Variants in UTRN observed in about 807,000 individuals in gnomAD.
The protein encoded by UTRN is utrophin.
Under a neutral mutation model 463.9 loss-of-function variants are expected in UTRN, and 283 were observed. The ratio of observed to expected loss-of-function variants is 0.61; its 90% CI spans 0.55 to 0.67. UTRN has a LOEUF of 0.67. Among genes scored for constraint, UTRN ranks in the 30% least tolerant of loss-of-function variants. UTRN has a pLI of 0.00. For synonymous variants in UTRN, 1,442 were observed against 1,431.5 expected, an observed-to-expected ratio of 1.01 and a Z score of -0.17; for missense variants, 3,922 against 4,084.3, an observed-to-expected ratio of 0.96 and a Z score of 1.08.
chr6:144,564,064 C>T (rs942593156), intron 50 of UTRN, among the ~76,000 whole-genome samples: 1 of 152,106 alleles, frequency 6.6e-6, no homozygotes, highest in Non-Finnish European at 1.5e-5. Context: ...ATTTAGCTTC[C>T]TATTTGCCAA....
At chr6:144,730,299 C>A in intron 53 of UTRN, 58 bp from the exon 54 acceptor site, 2 of 1,455,974 alleles carry the variant, frequency 1.4e-6, no homozygotes, top group South Asian at 3.1e-5. Context: ...TTGAAGATGT[C>A]CCATAATTTG....
At position 144,826,274 on chromosome 6, in the gene UTRN, A is replaced by C. The variant is rs536339799; in HGVS notation, c.9495-1074A>C. Among the ~76,000 whole-genome samples the C allele has an allele frequency of 2.9e-3, 445 of 152,240 alleles. 1 individual carries two copies. Among genetic ancestry groups the C allele is most frequent in the Non-Finnish European group, 5.0e-3 (340 of 68,008 alleles). ...CAAAAGTCTTTGCTGTGCAGGCATC[A>C]ACCTGCACTTCACTATAGGAGATGA... On this transcript the variant is annotated intron_variant, in intron 66 of 74. Transcript: ENST00000367545.
At chr6:144,672,652 GT>G (rs1201073116) in intron 51 of UTRN, among the ~76,000 whole-genome samples, 1 of 151,684 alleles carries the variant, frequency 6.6e-6, no homozygotes, top group African/African-American at 2.4e-5. Context: ...TTTTTTGTTT[GT>G]TTGTTTCACT....
chr6:144,375,893 G>A (rs1042055307), intron 2 of UTRN, among the ~76,000 whole-genome samples: 1 of 152,134 alleles, frequency 6.6e-6, no homozygotes, highest in Non-Finnish European at 1.5e-5. Flanking sequence ...CAATCAGCAC[G>A]TTCTGCCTGG....
intron 3 of UTRN, among the ~76,000 whole-genome samples, chr6:144,412,759 CCAT>C (rs1404691786): frequency 9.7e-6 from 1 of 103,312 alleles, no homozygotes; most frequent in African/African-American, 3.8e-5. Context: ...TATACACACA[CCAT>C]ACACACACAC....
chr6:144,294,595 T>C (rs1012008505), intron 2 of UTRN, among the ~76,000 whole-genome samples: 1 of 150,864 alleles, frequency 6.6e-6, no homozygotes, highest in Non-Finnish European at 1.5e-5. Context: ...GGTTTCTTTT[T>C]TGGGGGGAAA....
At chr6:144,336,524 T>C (rs1263589238) in intron 2 of UTRN, among the ~76,000 whole-genome samples, 2 of 152,078 alleles carry the variant, frequency 1.3e-5, no homozygotes, top group Non-Finnish European at 2.9e-5. Flanking sequence ...TTTCTAGGTG[T>C]CTCTTCTTCA....
chr6:144,757,922 T>C lies in UTRN; in HGVS notation c.8435-7T>C, dbSNP rs1293641343. 8 of 1,607,366 alleles carry C rather than the reference T, an allele frequency of 5.0e-6. No individual in the cohort carries two copies. The highest frequency in any genetic ancestry group is 1.7e-5 in the Admixed American group (1 of 59,164). ...ACGTTTCCAATAATCTCCCTTTGTT[T>C]CCTCAGCGTCAGTCCAGCTGCCGTG... is the stretch of plus-strand genomic sequence containing the variant. On this transcript the variant is annotated splice_polypyrimidine_tract_variant and splice_region_variant and intron_variant, in intron 57 of 74. Transcript: ENST00000367545.
chr6:144,721,670 T>G (rs1787187775), intron 53 of UTRN, among the ~76,000 whole-genome samples: 2 of 152,220 alleles, frequency 1.3e-5, no homozygotes, highest in African/African-American at 4.8e-5. Flanking sequence ...TTGTGTAAAA[T>G]TCTTGGGATC....
Position 144,797,935 on chromosome 6 carries a change from GCAAAACATCAGGC to G in UTRN, c.9195_9207del (p.Lys3065AsnfsTer95). The G allele has an allele frequency of 6.2e-7, 1 of 1,614,198 alleles. No individual in the cohort carries two copies. The highest frequency in any genetic ancestry group is 8.5e-7 in the Non-Finnish European group (1 of 1,180,016). ...ACATCGAGTGGCAGCAGCGGAGACT[GCAAAACATCAGGC>G]CAAATGCAACATCTGTAAAGAATGT... is the stretch of plus-strand genomic sequence containing the variant. On this transcript the variant is annotated frameshift_variant, in exon 64 of 75. Transcript: ENST00000367545. LOFTEE classifies it high-confidence loss of function.
intron 2 of UTRN, among the ~76,000 whole-genome samples, chr6:144,377,149 T>C (rs561636439): frequency 6.6e-6 from 1 of 152,214 alleles, no homozygotes; most frequent in East Asian, 1.9e-4. Context: ...GTGATTCTCG[T>C]GCCTCAGCCT....
chr6:144,772,016 G>GTTTTATTTTTTTTTTTT (rs1794091032), intron 59 of UTRN, 48 bp downstream of exon 59: 1 of 124,972 alleles, frequency 8.0e-6, no homozygotes, highest in Non-Finnish European at 1.5e-5. Context: ...CTGAGAACCG[G>GTTTTATTTTTTTTTTTT]TTTTTTTTTT....
rs375749391 is a variant in UTRN at position 144,451,539 on chromosome 6, T to C, written c.2196+46T>C. ...ATATCCTAGTGCATAAAATAGTTCA[T>C]CATGCTGGATTTTCTGCTGGCATAA... On this transcript the variant is annotated intron_variant, in intron 18 of 74. Coordinates refer to ENST00000367545, the MANE Select transcript of UTRN (RefSeq NM_007124.3). The C allele has an allele frequency of 7.7e-5, 119 of 1,548,472 alleles. No individual in the cohort carries two copies. In the African/African-American group the frequency reaches 1.5e-3, roughly 20 times the overall value.
chr6:144,754,091 A>G (rs1452430201), intron 56 of UTRN, among the ~76,000 whole-genome samples: 2 of 149,930 alleles, frequency 1.3e-5, no homozygotes, highest in Non-Finnish European at 2.9e-5. Context: ...CTATCTATGT[A>G]CTGTCTATTT....
intron 50 of UTRN, among the ~76,000 whole-genome samples, chr6:144,561,205 TTA>T (rs1162903466): frequency 0.019 from 1,122 of 60,092 alleles, 55 homozygotes; most frequent in East Asian, 0.061. Flanking sequence ...AAAAATAACA[TTA>T]TATATATATA....
chr6:144,351,752 G>A (rs551304715), intron 2 of UTRN, among the ~76,000 whole-genome samples: 16 of 152,300 alleles, frequency 1.1e-4, no homozygotes, highest in Admixed American at 3.3e-4. Flanking sequence ...GTCTGGAAAC[G>A]TGATAGATTT....
intron 73 of UTRN, among the ~76,000 whole-genome samples, chr6:144,842,576 C>CTCTA (rs2128763691): frequency 6.6e-6 from 1 of 152,162 alleles, no homozygotes; most frequent in Admixed American, 6.5e-5. Flanking sequence ...GCAACAGAGA[C>CTCTA]TCTATCTCAA....
intron 2 of UTRN, among the ~76,000 whole-genome samples, chr6:144,359,582 A>T (rs966167264): frequency 6.6e-6 from 1 of 152,216 alleles, no homozygotes; most frequent in Non-Finnish European, 1.5e-5. Flanking sequence ...AGGCCCAGCC[A>T]GTATTGAATT....
intron 54 of UTRN, among the ~76,000 whole-genome samples, chr6:144,742,109 T>C (rs1790163793): frequency 6.6e-6 from 1 of 152,180 alleles, no homozygotes; most frequent in Non-Finnish European, 1.5e-5. Flanking sequence ...AAAAAGAATT[T>C]GAGAAGTCCA....
Sources: gnomAD v4.1 joint callset for allele counts (sites outside exome capture counted in the v4.1 genomes callset) on GRCh38, gnomAD v4.1.1 for gene constraint, MANE v1.5 for transcripts, NCBI Gene and HGNC (gene_info 2026-07-23, HGNC 2026-07-21) for gene names.